The following ADGRV1 variants were observed in gnomAD, a reference collection of about 807,000 sequenced individuals.
ADGRV1 encodes adhesion G protein-coupled receptor V1.
A neutral mutation model predicts 596.2 loss-of-function variants in ADGRV1; 359 were observed. The ratio of observed to expected loss-of-function variants is 0.60; its 90% CI spans 0.55 to 0.66. The LOEUF is 0.66. Among genes scored for constraint, ADGRV1 ranks in the 30% least tolerant of loss-of-function variants. ADGRV1 has a pLI of 0.00. For missense variants in ADGRV1, 7,274 were observed against 7,575.6 expected, an observed-to-expected ratio of 0.96 and a Z score of 1.48; for synonymous variants, 2,681 against 2,679.2, an observed-to-expected ratio of 1.00 and a Z score of -0.02.
At chr5:90,704,683 G>A (rs1414362198) in intron 36 of ADGRV1, among the ~76,000 whole-genome samples, 195 bp downstream of exon 36, 5 of 152,090 alleles carry the variant, frequency 3.3e-5, no homozygotes, top group Admixed American at 3.3e-4. Flanking sequence ...TAGGAAAGAA[G>A]CCCTGAAACG....
At chr5:90,837,476 T>G (rs1279140325) in intron 77 of ADGRV1, among the ~76,000 whole-genome samples, 2 of 151,762 alleles carry the variant, frequency 1.3e-5, no homozygotes, top group Admixed American at 6.6e-5. Context: ...GTTCAAGCTA[T>G]TCTCCCGGCT....
In ADGRV1 at chr5:91,072,483, T is replaced by C; in HGVS notation, c.18189T>C (p.Thr6063=). ...FIPNVYAALF[T]AALVPLTCLV... is the part of the protein sequence containing the mutation. ...CAAACGTCTATGCTGCTTTGTTCAC[T>C]GCAGCTCTTGTTCCTTTGACGTGCC... Residue 6063 remains threonine (T), a synonymous_variant, in exon 86 of 90, where the codon ACT becomes ACC. Transcript: ENST00000405460. 6.2e-7 allele frequency: 1 copy of C among 1,613,730 alleles called. No individual in the cohort carries two copies. Among genetic ancestry groups the C allele is most frequent in the Non-Finnish European group, 8.5e-7 (1 of 1,179,606 alleles).
At chr5:90,704,269 A>G in intron 35 of ADGRV1, 120 bp from the exon 36 acceptor site, 1 of 676,746 alleles carries the variant, frequency 1.5e-6, no homozygotes, top group Non-Finnish European at 2.5e-6. Flanking sequence ...TAAGCCACAG[A>G]ACTTTTGTTT....
intron 9 of ADGRV1, 192 bp downstream of exon 9, chr5:90,629,731 G>T (rs1280389455): frequency 6.8e-6 from 3 of 438,332 alleles, no homozygotes; most frequent in Admixed American, 3.8e-5. Flanking sequence ...AATAAGACAA[G>T]AATTTTTACC....
At position 90,589,568 on chromosome 5, in the gene ADGRV1, T is replaced by G. The variant is rs531819230; in HGVS notation, c.23-25267T>G. On this transcript the variant is annotated intron_variant, in intron 1 of 89. Coordinates refer to ENST00000405460, the MANE Select transcript of ADGRV1 (RefSeq NM_032119.4). ...CTATATGCTTGTGTTGATTAAGTGATATTTTTGCCTTTTTTATTTTATAAA... is the reference window on the plus strand; with the variant it reads ...CTATATGCTTGTGTTGATTAAGTGAGATTTTTGCCTTTTTTATTTTATAAA... 5.1e-4 allele frequency among the ~76,000 whole-genome samples: 77 copies of G among 152,320 alleles called. 3 individuals carry two copies. In the South Asian group the frequency reaches 0.016, roughly 31 times the overall value.
At chr5:90,715,544 T>C (rs988670949) in intron 42 of ADGRV1, among the ~76,000 whole-genome samples, 9 of 152,336 alleles carry the variant, frequency 5.9e-5, no homozygotes, top group African/African-American at 2.2e-4. Context: ...GCTGACAGTG[T>C]CTGCCACAGT....
intron 85 of ADGRV1, among the ~76,000 whole-genome samples, chr5:90,999,425 A>C (rs747780372): frequency 6.6e-6 from 1 of 152,006 alleles, no homozygotes; most frequent in Non-Finnish European, 1.5e-5. Context: ...CTCAGTCTAT[A>C]TTCATCCTAA....
At chr5:90,589,772 T>G (rs1352848314) in intron 1 of ADGRV1, among the ~76,000 whole-genome samples, 1 of 152,174 alleles carries the variant, frequency 6.6e-6, no homozygotes, top group Non-Finnish European at 1.5e-5. Context: ...TTCAGAGTTC[T>G]AATTTCTGGA....
At chr5:90,661,920 A>G (rs2149491672) in intron 21 of ADGRV1, among the ~76,000 whole-genome samples, 1 of 152,272 alleles carries the variant, frequency 6.6e-6, no homozygotes, top group East Asian at 1.9e-4. Context: ...AGTATTTCTG[A>G]AAGTGTTGCC....
chr5:90,905,212 C>T (rs1772202924), intron 83 of ADGRV1, among the ~76,000 whole-genome samples: 1 of 152,034 alleles, frequency 6.6e-6, no homozygotes, highest in Non-Finnish European at 1.5e-5. Flanking sequence ...ACAGCTTTGA[C>T]TAATCTGGGT....
intron 10 of ADGRV1, among the ~76,000 whole-genome samples, chr5:90,636,149 C>T (rs951380685): frequency 6.9e-6 from 1 of 144,730 alleles, no homozygotes; most frequent in Admixed American, 6.8e-5. Context: ...AGCACCCCAT[C>T]CCTCCCCTTG....
chr5:91,039,421 C>T (rs1785159919), intron 85 of ADGRV1, among the ~76,000 whole-genome samples: 1 of 152,204 alleles, frequency 6.6e-6, no homozygotes, highest in Non-Finnish European at 1.5e-5. Context: ...TGCTTCCTGA[C>T]CATGAAAACA....
intron 85 of ADGRV1, among the ~76,000 whole-genome samples, chr5:90,991,965 A>T (rs1781002259): frequency 6.6e-6 from 1 of 152,228 alleles, no homozygotes; most frequent in African/African-American, 2.4e-5. Flanking sequence ...TGTTGTCAGG[A>T]TCTCTTCATG....
In ADGRV1 at chr5:90,753,687, A is replaced by T. The variant is rs1269852807; in HGVS notation, c.11235A>T (p.Glu3745Asp). ...TAACCCTCACCCGTATCACCACAGA[A>T]GGGGTTGAGGACTCATACAAAGGTG... is the stretch of plus-strand genomic sequence containing the variant. ...VIVTLTRITT[E>D]GVEDSYKGAT... is the part of the protein sequence containing the mutation. Residue 3745 changes from glutamate to aspartate, a missense_variant, in exon 54 of 90, where the codon GAA (glutamate) becomes GAT (aspartate). Coordinates refer to ENST00000405460, the MANE Select transcript of ADGRV1 (RefSeq NM_032119.4). 1.9e-6 allele frequency: 3 copies of T among 1,613,528 alleles called. No individual in the cohort carries two copies. The African/African-American group carries it at 4.0e-5, about 22-fold the overall frequency.
At chr5:90,910,018 G>T (rs1417075579) in intron 83 of ADGRV1, among the ~76,000 whole-genome samples, 2 of 152,232 alleles carry the variant, frequency 1.3e-5, no homozygotes, top group African/African-American at 4.8e-5. Context: ...TGAACTCCGC[G>T]TCCTGGAGGC....
At position 90,647,795 on chromosome 5, in the gene ADGRV1, C is replaced by T. The variant is rs751347253; in HGVS notation, c.3289+31C>T. On this transcript the variant is annotated intron_variant, in intron 17 of 89. Transcript: ENST00000405460. ...TAAATTATGCTTTTTTATGGCAGAT[C>T]TGCCTCAGTGCTTTAATAAGATGAA... 5 of 1,586,938 alleles carry T rather than the reference C, an allele frequency of 3.2e-6. No homozygotes were observed. In the African/African-American group the frequency reaches 5.4e-5, roughly 17 times the overall value.
chr5:90,731,469 T>G (rs1752538054), intron 50 of ADGRV1, among the ~76,000 whole-genome samples: 1 of 152,152 alleles, frequency 6.6e-6, no homozygotes, highest in Non-Finnish European at 1.5e-5. Flanking sequence ...CCATTTGCTC[T>G]GTGAGGGGTA....
At chr5:90,779,228 T>G in intron 64 of ADGRV1, 131 bp downstream of exon 64, 1 of 564,136 alleles carries the variant, frequency 1.8e-6, no homozygotes, top group Non-Finnish European at 3.2e-6. Context: ...TTGTGTGACA[T>G]TAGAACAGGA....
intron 79 of ADGRV1, chr5:90,850,685 GATCACCAGCATGTTAAA>G (rs1766397718): frequency 6.6e-6 from 1 of 152,096 alleles, no homozygotes; most frequent in African/African-American, 2.4e-5. Context: ...ATCTCTATAA[GATCACCAGCATGTTAAA>G]ATCACAAGGT....
Sources: allele counts gnomAD v4.1 joint callset (sites outside exome capture counted in the v4.1 genomes callset), GRCh38; gene constraint gnomAD v4.1.1; transcripts MANE v1.5; gene names NCBI Gene and HGNC (gene_info 2026-07-23, HGNC 2026-07-21).